EFR3A: variants seen among roughly 807,000 people sequenced by gnomAD.
EFR3A encodes EFR3 homolog A.
Under a neutral mutation model 104.4 loss-of-function variants are expected in EFR3A, and 76 were observed. That is an observed-to-expected ratio of 0.73 (90% CI 0.60 to 0.88). The LOEUF is 0.88. Among genes scored for constraint, EFR3A ranks in the 40% least tolerant of loss-of-function variants. The pLI is 0.00. For missense variants in EFR3A, 985 were observed against 1,012.5 expected (o/e 0.97, Z 0.37); for synonymous variants, 330 against 330.0 (o/e 1.00, Z 0.00).
intron 1 of EFR3A, among the ~76,000 whole-genome samples, chr8:131,936,935 G>A (rs1008709626): frequency 1.3e-5 from 2 of 151,948 alleles, no homozygotes; most frequent in African/African-American, 4.8e-5. Context: ...TAAATCATTG[G>A]CCACCTGTAA....
chr8:131,913,260 T>C (rs1816599908), intron 1 of EFR3A, among the ~76,000 whole-genome samples: 1 of 151,806 alleles, frequency 6.6e-6, no homozygotes, highest in South Asian at 2.1e-4. Context: ...AATTCTCTCA[T>C]CATGTGTATT....
chr8:131,999,311 T>A (rs1163602651), intron 19 of EFR3A, among the ~76,000 whole-genome samples: 2 of 152,184 alleles, frequency 1.3e-5, no homozygotes, highest in Non-Finnish European at 2.9e-5. Context: ...AACTTGTGTG[T>A]ATGCTAGCAT....
intron 18 of EFR3A, among the ~76,000 whole-genome samples, chr8:131,994,344 T>C (rs766595272): frequency 1.3e-5 from 2 of 152,142 alleles, no homozygotes; most frequent in Non-Finnish European, 2.9e-5. Flanking sequence ...CCTACTGTTT[T>C]GGGGGAACAT....
chr8:131,998,945 T>C (rs960712740), intron 19 of EFR3A, among the ~76,000 whole-genome samples: 2 of 151,968 alleles, frequency 1.3e-5, no homozygotes, highest in African/African-American at 2.4e-5. Context: ...AGAAGATAAA[T>C]GACTAAAATA....
intron 1 of EFR3A, among the ~76,000 whole-genome samples, chr8:131,910,965 G>T (rs1352337435): frequency 6.6e-6 from 1 of 152,190 alleles, no homozygotes; most frequent in Non-Finnish European, 1.5e-5. Context: ...AGAAGAAAGA[G>T]TGGACCGGAA....
intron 18 of EFR3A, among the ~76,000 whole-genome samples, chr8:131,990,635 G>T (rs1047360817): frequency 6.6e-6 from 1 of 152,156 alleles, no homozygotes; most frequent in African/African-American, 2.4e-5. Context: ...GATCAGAGTT[G>T]CATTTTAGAA....
intron 1 of EFR3A, among the ~76,000 whole-genome samples, chr8:131,929,882 T>C (rs1191304599): frequency 6.6e-6 from 1 of 152,194 alleles, no homozygotes; most frequent in Non-Finnish European, 1.5e-5. Context: ...CTAGTAAAGC[T>C]GGGTTGGAGA....
At chr8:131,925,568 A>G (rs911286432) in intron 1 of EFR3A, among the ~76,000 whole-genome samples, 6 of 152,184 alleles carry the variant, frequency 3.9e-5, no homozygotes, top group Non-Finnish European at 7.4e-5. Context: ...ACACAAAAGC[A>G]TAAAAATGAT....
intron 18 of EFR3A, among the ~76,000 whole-genome samples, chr8:131,996,184 G>A (rs897825882): frequency 6.6e-6 from 1 of 151,842 alleles, no homozygotes; most frequent in African/African-American, 2.4e-5. Flanking sequence ...ATAAAAATCC[G>A]ATAACCTTAT....
intron 1 of EFR3A, among the ~76,000 whole-genome samples, chr8:131,939,544 A>G (rs567815936): frequency 6.6e-6 from 1 of 152,324 alleles, no homozygotes; most frequent in South Asian, 2.1e-4. Flanking sequence ...AATCTTTCTT[A>G]TTGAAAATAA....
In EFR3A at chr8:132,003,327, G is replaced by A. The variant is rs763658526; in HGVS notation, c.2360+42G>A. The A allele has an allele frequency of 9.9e-6, 15 of 1,516,136 alleles. 1 individual carries two copies. Among genetic ancestry groups the A allele is most frequent in the South Asian group, 4.8e-5 (4 of 83,764 alleles). 93.9% of individuals were successfully genotyped at this position (1,516,136 alleles called of 1,614,324 possible). ...CACAATAGCAATAACACACACACAC[G>A]AATAGAAACTGACAGACCCCTATGA... On this transcript the variant is annotated intron_variant, in intron 22 of 22. Coordinates refer to ENST00000254624, the MANE Select transcript of EFR3A (RefSeq NM_015137.6).
intron 14 of EFR3A, among the ~76,000 whole-genome samples, chr8:131,981,710 A>G (rs1452153450): frequency 6.6e-6 from 1 of 152,082 alleles, no homozygotes; most frequent in East Asian, 1.9e-4. Flanking sequence ...TATTTTCTAT[A>G]TTAACTTTGT....
At position 131,977,056 on chromosome 8, in the gene EFR3A, G is replaced by A; in HGVS notation, c.1290G>A (p.Arg430=). Reference sequence around the variant, plus strand: ...TATATTTTAGGGATTTGGGAACCAGGAGAATTCAGATAATGTTGCTGAGAT... The same window carrying A: ...TATATTTTAGGGATTTGGGAACCAGAAGAATTCAGATAATGTTGCTGAGAT... ...DISQLGDLGT[R]RIQIMLLRSL... is the part of the protein sequence containing the mutation. The change falls in exon 12 of 23, where the codon AGG becomes AGA. Residue 430 remains arginine, a synonymous_variant. Transcript: ENST00000254624. 1.2e-6 allele frequency: 2 copies of A among 1,601,708 alleles called. No individual in the cohort carries two copies. The highest frequency in any genetic ancestry group is 2.3e-5 in the South Asian group (2 of 88,312).
intron 10 of EFR3A, among the ~76,000 whole-genome samples, chr8:131,973,998 C>T (rs1031951930): frequency 1.3e-5 from 2 of 152,192 alleles, no homozygotes; most frequent in Non-Finnish European, 2.9e-5. Flanking sequence ...GTCTAATTAA[C>T]ATCAGAGATA....
At chr8:131,977,351 G>A (rs1242136747) in intron 12 of EFR3A, among the ~76,000 whole-genome samples, 1 of 152,070 alleles carries the variant, frequency 6.6e-6, no homozygotes, top group East Asian at 1.9e-4. Flanking sequence ...GAAGATACCT[G>A]GGCCCAGAGA....
At chr8:131,931,500 G>A (rs1817608827) in intron 1 of EFR3A, among the ~76,000 whole-genome samples, 1 of 151,938 alleles carries the variant, frequency 6.6e-6, no homozygotes, top group African/African-American at 2.4e-5. Flanking sequence ...ATCTAGCTTT[G>A]TTTTTAGTAA....
Position 131,987,709 on chromosome 8 carries a change from G to A in EFR3A, c.2065+7G>A. 1 of 1,579,014 alleles carries A rather than the reference G, an allele frequency of 6.3e-7. No homozygotes were observed. The highest frequency in any genetic ancestry group is 1.2e-5 in the South Asian group (1 of 85,078). On this transcript the variant is annotated splice_region_variant and intron_variant, in intron 18 of 22. Transcript: ENST00000254624. ...TATGTACCACAAGTAACAGGTAAGA[G>A]GAGGATAATTAGAACTTTCACTCTG...
Position 131,946,485 on chromosome 8 carries a change from A to G in EFR3A, c.218A>G (p.Tyr73Cys). Residue 73 changes from tyrosine (Y) to cysteine (C), a missense_variant and splice_region_variant, in exon 4 of 23, where the codon TAT becomes TGT. Physicochemically the swap from Tyr to Cys is radical, Grantham distance 194. Transcript: ENST00000254624. ...SRDVVRHRSG[Y>C]VLIAMEALDQ... ...CATTCTTTTTCTCCTACATGTAGGT[A>G]TGTTTTGATTGCTATGGAGGCACTG... The G allele has an allele frequency of 1.3e-6, 2 of 1,569,860 alleles. No homozygotes were observed. The highest frequency in any genetic ancestry group is 1.7e-6 in the Non-Finnish European group (2 of 1,159,438).
At chr8:131,993,479 C>T (rs1202888433) in intron 18 of EFR3A, among the ~76,000 whole-genome samples, 1 of 152,082 alleles carries the variant, frequency 6.6e-6, no homozygotes, top group Non-Finnish European at 1.5e-5. Flanking sequence ...CCATGGAAGG[C>T]TGTCTTGGAG....
Sources: allele counts gnomAD v4.1 joint callset (sites outside exome capture counted in the v4.1 genomes callset), GRCh38; gene constraint gnomAD v4.1.1; transcripts MANE v1.5; gene names NCBI Gene and HGNC (gene_info 2026-07-23, HGNC 2026-07-21).